Variants in USP48 observed in about 807,000 individuals in gnomAD.
The protein encoded by USP48 is ubiquitin carboxyl-terminal hydrolase 48.
USP48 carries 43 observed loss-of-function variants against 150.7 expected under a neutral mutation model. The ratio of observed to expected loss-of-function variants is 0.29; its 90% CI spans 0.22 to 0.37. The LOEUF is 0.37. Among genes scored for constraint, USP48 ranks in the 10% least tolerant of loss-of-function variants. The pLI is 1.00. For synonymous variants in USP48, 396 were observed against 425.9 expected (o/e 0.93, Z 0.86); for missense variants, 813 against 1,249.6 (o/e 0.65, Z 5.27).
At chr1:21,698,605 G>A (rs116009720) in intron 22 of USP48, among the ~76,000 whole-genome samples, 5,623 of 152,306 alleles carry the variant, frequency 0.037, 131 homozygotes, top group Middle Eastern at 0.078. Context: ...AAGACAGTAA[G>A]AACATTGTGT....
In USP48 at chr1:21,761,805, C is replaced by A. The variant is rs75658781; in HGVS notation, c.135-4022G>T. On this transcript the variant is annotated intron_variant, in intron 1 of 26. Transcript: ENST00000308271. ...GAAAAAATAAAAATGAAAACAAGTT[C>A]GACCAATTTAAGAACAGTTTTGTCA... is the stretch of plus-strand genomic sequence containing the variant. Among the ~76,000 whole-genome samples, 1,365 of 152,148 alleles carry A rather than the reference C, an allele frequency of 9.0e-3. 20 individuals carry two copies. Among genetic ancestry groups the A allele is most frequent in the African/African-American group, 0.031 (1,289 of 41,496 alleles).
chr1:21,745,077 T>C (rs1159952034), intron 8 of USP48, among the ~76,000 whole-genome samples: 1 of 152,090 alleles, frequency 6.6e-6, no homozygotes, highest in African/African-American at 2.4e-5. Flanking sequence ...TTACATATGG[T>C]TTGTATTTCT....
rs1355394741 is a variant in USP48, at chr1:21,783,076, C to T, written c.-119G>A. The T allele has an allele frequency of 6.7e-6, 9 of 1,353,358 alleles. No individual in the cohort carries two copies. The highest frequency in any genetic ancestry group is 3.6e-5 in the Admixed American group (1 of 27,530). 83.8% of individuals were successfully genotyped at this position (1,353,358 alleles called of 1,614,324 possible). A position where few individuals can be genotyped will look rare whatever the true frequency, so the allele number is the denominator to read the frequency against. On this transcript the variant is annotated 5_prime_UTR_variant, in exon 1 of 27. Transcript: ENST00000308271. ...AAGGAGGACCTGGCGCTCCTTCAGG[C>T]AGCTGGCCAGTCAATCACCTGTGCG...
intron 24 of USP48, among the ~76,000 whole-genome samples, chr1:21,688,842 CAAAA>C (rs1185263002): frequency 1.1e-5 from 1 of 88,996 alleles, no homozygotes. Context: ...GACTCCATCT[CAAAA>C]AAAAAAAAAA....
chr1:21,758,113 T>C lies in USP48; in HGVS notation c.135-330A>G, dbSNP rs571106118. Reference sequence around the variant, plus strand: ...AGCACTGTCTGTTAATTGCAAAATATTGGAAGCCACCCAAATGCCCAAAAA... The same window carrying C: ...AGCACTGTCTGTTAATTGCAAAATACTGGAAGCCACCCAAATGCCCAAAAA... On this transcript the variant is annotated intron_variant, in intron 1 of 26. Coordinates refer to ENST00000308271, the MANE Select transcript of USP48 (RefSeq NM_032236.8). Among the ~76,000 whole-genome samples, 20 of 151,788 alleles carry C rather than the reference T, an allele frequency of 1.3e-4. 1 individual carries two copies. Among genetic ancestry groups the C allele is most frequent in the Admixed American group, 5.9e-4 (9 of 15,216 alleles).
At chr1:21,767,367 A>AGTGCAGTG (rs1352062529) in intron 1 of USP48, among the ~76,000 whole-genome samples, 3 of 152,002 alleles carry the variant, frequency 2.0e-5, no homozygotes, top group Non-Finnish European at 2.9e-5. Flanking sequence ...CCCAGGCTAG[A>AGTGCAGTG]GTGCAGTGGT....
intron 9 of USP48, among the ~76,000 whole-genome samples, chr1:21,734,214 C>G (rs754314512): frequency 6.6e-6 from 1 of 152,048 alleles, no homozygotes; most frequent in African/African-American, 2.4e-5. Context: ...ACCTGGGGAA[C>G]CCAGGGAGAC....
intron 2 of USP48, among the ~76,000 whole-genome samples, chr1:21,757,290 A>T (rs2097839046): frequency 6.6e-6 from 1 of 152,132 alleles, no homozygotes; most frequent in Non-Finnish European, 1.5e-5. Context: ...TAAAAAGCAA[A>T]ATTATATATA....
chr1:21,708,847 T>G (rs1442576288), intron 15 of USP48, among the ~76,000 whole-genome samples: 1 of 134,014 alleles, frequency 7.5e-6, no homozygotes, highest in African/African-American at 2.9e-5. Flanking sequence ...ATCGCACCAT[T>G]GTAATCCAGC....
chr1:21,716,915 C>G (rs2097706025), intron 14 of USP48, among the ~76,000 whole-genome samples: 1 of 152,110 alleles, frequency 6.6e-6, no homozygotes, highest in Non-Finnish European at 1.5e-5. Flanking sequence ...GTAGTCCCAG[C>G]TACTCAGGAG....
chr1:21,729,048 G>T, intron 10 of USP48, among the ~76,000 whole-genome samples: 1 of 152,260 alleles, frequency 6.6e-6, no homozygotes, highest in African/African-American at 2.4e-5. Flanking sequence ...ACTTTGGAAG[G>T]CTGAGGCGGG....
At chr1:21,705,635 C>T (rs1318005267) in intron 19 of USP48, 92 bp downstream of exon 19, 1 of 944,942 alleles carries the variant, frequency 1.1e-6, no homozygotes, top group Non-Finnish European at 1.5e-6. Flanking sequence ...TTAAAACAGA[C>T]TATGTCAGAT....
chr1:21,741,951 C>T (rs1386079609), intron 8 of USP48, among the ~76,000 whole-genome samples: 3 of 151,624 alleles, frequency 2.0e-5, no homozygotes, highest in Admixed American at 1.3e-4. Flanking sequence ...ACTCCAGCCT[C>T]GGTGACAGAG....
intron 25 of USP48, among the ~76,000 whole-genome samples, chr1:21,683,217 TGCACTTCA>T (rs1388090739): frequency 6.6e-6 from 1 of 152,144 alleles, no homozygotes; most frequent in Non-Finnish European, 1.5e-5. Flanking sequence ...TGAGCCATAC[TGCACTTCA>T]GCCTTTTGAG....
At chr1:21,749,346 T>C (rs2097803180) in intron 6 of USP48, among the ~76,000 whole-genome samples, 1 of 152,158 alleles carries the variant, frequency 6.6e-6, no homozygotes, top group African/African-American at 2.4e-5. Flanking sequence ...GTCCCAGGCC[T>C]CAGTCCTTGT....
chr1:21,684,868 A>G lies in USP48; in HGVS notation c.3058+2323T>C, dbSNP rs181437477. On this transcript the variant is annotated intron_variant, in intron 25 of 26. Coordinates refer to ENST00000308271, the MANE Select transcript of USP48 (RefSeq NM_032236.8). ...TAGTTGGCTGTAAATACGTGAATTT[A>G]TTTTTGGGTTCTTTATTCTGTTCCA... Among the ~76,000 whole-genome samples, 118 of 152,198 alleles carry G rather than the reference A, an allele frequency of 7.8e-4. 2 individuals carry two copies. Among genetic ancestry groups the G allele is most frequent in the Admixed American group, 7.7e-3 (118 of 15,280 alleles).
intron 15 of USP48, among the ~76,000 whole-genome samples, chr1:21,714,239 C>T (rs530774832): frequency 6.6e-6 from 1 of 152,308 alleles, no homozygotes; most frequent in African/African-American, 2.4e-5. Flanking sequence ...AAATGAACCA[C>T]TGACAAGCCA....
At position 21,721,169 on chromosome 1, in the gene USP48, G is replaced by A. The variant is rs1386287970; in HGVS notation, c.1764-3C>T. On this transcript the variant is annotated splice_region_variant and splice_polypyrimidine_tract_variant and intron_variant, in intron 13 of 26. Transcript: ENST00000308271. Reference sequence around the variant, plus strand: ...TCCCCACCCAAAATCCATCGCTGCTGTGGAACAGAGAGAATGTTAAATCAT... The same window carrying A: ...TCCCCACCCAAAATCCATCGCTGCTATGGAACAGAGAGAATGTTAAATCAT... 1 of 1,613,916 alleles carries A rather than the reference G, an allele frequency of 6.2e-7. No individual in the cohort carries two copies. Among genetic ancestry groups the A allele is most frequent in the Non-Finnish European group, 8.5e-7 (1 of 1,179,936 alleles).
intron 1 of USP48, among the ~76,000 whole-genome samples, chr1:21,776,551 CTG>C (rs1244629879): frequency 3.4e-5 from 4 of 116,504 alleles, no homozygotes; most frequent in African/African-American, 1.3e-4. Context: ...TGACAAGACT[CTG>C]TCTCTATAAA....
Sources: allele counts gnomAD v4.1 joint callset (sites outside exome capture counted in the v4.1 genomes callset), GRCh38; gene constraint gnomAD v4.1.1; transcripts MANE v1.5; gene names NCBI Gene and HGNC (gene_info 2026-07-23, HGNC 2026-07-21).